The following LIPC variants were observed in gnomAD, a reference collection of about 807,000 sequenced individuals.
The protein encoded by LIPC is lipase C, hepatic type, also known as hepatic triacylglycerol lipase.
A neutral mutation model predicts 50.7 loss-of-function variants in LIPC; 44 were observed. The observed-to-expected ratio is 0.87, with a 90% CI of 0.68 to 1.11. The LOEUF is 1.11. Among genes scored for constraint, LIPC ranks in the 50% most tolerant of loss-of-function variants. The pLI is 0.00. For synonymous variants in LIPC, 271 were observed against 256.4 expected, an observed-to-expected ratio of 1.06 and a Z score of -0.54; for missense variants, 697 against 648.2, an observed-to-expected ratio of 1.08 and a Z score of -0.82.
chr15:58,563,169 G>A (rs11071390), intron 7 of LIPC, among the ~76,000 whole-genome samples: 144,039 of 152,246 alleles, frequency 0.95, 68,372 homozygotes, highest in Middle Eastern at 0.99. Context: ...CTGTCCAGAC[G>A]CCGTTGCCAA....
At chr15:58,509,940 A>C (rs1892280627) in intron 1 of LIPC, among the ~76,000 whole-genome samples, 1 of 145,288 alleles carries the variant, frequency 6.9e-6, no homozygotes, top group Admixed American at 7.1e-5. Context: ...TTTTTGTACC[A>C]TTGGATCTAT....
At chr15:58,557,601 G>A (rs763790038) in intron 6 of LIPC, among the ~76,000 whole-genome samples, 1 of 151,896 alleles carries the variant, frequency 6.6e-6, no homozygotes, top group Non-Finnish European at 1.5e-5. Flanking sequence ...TAGCCAGGAT[G>A]GTCTCGATCT....
chr15:58,497,693 C>G (rs1236970659), intron 1 of LIPC: 1 of 152,440 alleles, frequency 6.6e-6, no homozygotes, highest in Non-Finnish European at 1.5e-5. Context: ...AATGCTCTCC[C>G]CACTCTATTC....
At chr15:58,550,764 C>T (rs1413316480) in intron 6 of LIPC, among the ~76,000 whole-genome samples, 1 of 150,788 alleles carries the variant, frequency 6.6e-6, no homozygotes, top group Admixed American at 6.6e-5. Context: ...AAGCCCCAGG[C>T]TGGAGGGAGG....
At chr15:58,464,815 A>C (rs1049340786) in intron 1 of LIPC, among the ~76,000 whole-genome samples, 14 of 152,202 alleles carry the variant, frequency 9.2e-5, no homozygotes, top group Admixed American at 3.3e-4. Flanking sequence ...TGTACTAAAA[A>C]TACAAAAGTT....
At chr15:58,481,314 G>A (rs1303967995) in intron 1 of LIPC, among the ~76,000 whole-genome samples, 1 of 152,074 alleles carries the variant, frequency 6.6e-6, no homozygotes, top group African/African-American at 2.4e-5. Flanking sequence ...AACCATAAAT[G>A]TCCTTTGACA....
Position 58,543,675 on chromosome 15 carries a change from T to C in LIPC, c.574+1024T>C, listed in dbSNP as rs145610869. Among the ~76,000 whole-genome samples, 962 of 152,294 alleles carry C rather than the reference T, an allele frequency of 6.3e-3. 12 individuals carry two copies. The highest frequency in any genetic ancestry group is 0.022 in the African/African-American group (923 of 41,548). ...TTTTGAGACGGAGTTTCGCTCTTGTTGCCCAGGCTGGTGTGCAATGGCATG... is the reference window on the plus strand; with the variant it reads ...TTTTGAGACGGAGTTTCGCTCTTGTCGCCCAGGCTGGTGTGCAATGGCATG... On this transcript the variant is annotated intron_variant, in intron 4 of 8. Transcript: ENST00000299022.
intron 6 of LIPC, among the ~76,000 whole-genome samples, chr15:58,560,522 G>T (rs1894124189): frequency 6.6e-6 from 1 of 152,180 alleles, no homozygotes; most frequent in South Asian, 2.1e-4. Flanking sequence ...TACGAAAGGA[G>T]ACCCTCACCA....
At chr15:58,460,370 A>C (rs181752729) in intron 1 of LIPC, among the ~76,000 whole-genome samples, 1 of 152,330 alleles carries the variant, frequency 6.6e-6, no homozygotes, top group East Asian at 1.9e-4. Flanking sequence ...GTGGATGTGC[A>C]AAAGGAAAGG....
intron 1 of LIPC, among the ~76,000 whole-genome samples, chr15:58,452,162 C>G: frequency 6.6e-6 from 1 of 152,250 alleles, no homozygotes; most frequent in Admixed American, 6.5e-5. Context: ...CAAATTGTGG[C>G]CCCCAGGCCA....
At chr15:58,506,919 C>T (rs962890549) in intron 1 of LIPC, among the ~76,000 whole-genome samples, 1 of 152,260 alleles carries the variant, frequency 6.6e-6, no homozygotes, top group Non-Finnish European at 1.5e-5. Context: ...AACTTACAAT[C>T]ATTGCAGAGG....
chr15:58,434,026 C>T (rs1400706679), intron 1 of LIPC, among the ~76,000 whole-genome samples: 1 of 151,984 alleles, frequency 6.6e-6, no homozygotes, highest in African/African-American at 2.4e-5. Flanking sequence ...TCAACAGGGG[C>T]AATTTTGCCC....
At chr15:58,469,821 GCTAGGA>G (rs1894720506) in intron 1 of LIPC, among the ~76,000 whole-genome samples, 1 of 152,122 alleles carries the variant, frequency 6.6e-6, no homozygotes, top group South Asian at 2.1e-4. Context: ...TGGAACAATG[GCTAGGA>G]CCTCCCCGCG....
intron 6 of LIPC, among the ~76,000 whole-genome samples, chr15:58,560,067 T>A (rs1160882069): frequency 6.6e-6 from 1 of 152,234 alleles, no homozygotes; most frequent in Non-Finnish European, 1.5e-5. Context: ...AATGAGATGA[T>A]GCAATGCATT....
intron 1 of LIPC, among the ~76,000 whole-genome samples, chr15:58,470,597 C>T (rs1894756756): frequency 7.3e-6 from 1 of 136,304 alleles, no homozygotes; most frequent in Non-Finnish European, 1.6e-5. Flanking sequence ...CATTTAACTC[C>T]TTTTTTTTTT....
intron 1 of LIPC, among the ~76,000 whole-genome samples, chr15:58,495,471 G>A (rs888523353): frequency 2.6e-5 from 4 of 152,222 alleles, no homozygotes; most frequent in Non-Finnish European, 5.9e-5. Flanking sequence ...AAACCAGCAA[G>A]GCTTGGTGCT....
intron 6 of LIPC, among the ~76,000 whole-genome samples, chr15:58,549,350 T>C (rs1893664935): frequency 6.6e-6 from 1 of 152,250 alleles, no homozygotes; most frequent in Admixed American, 6.5e-5. Flanking sequence ...AGAAGAAATC[T>C]GATGTGCTGT....
At chr15:58,565,285 C>T in intron 8 of LIPC, 1 of 1,535,698 alleles carries the variant, frequency 6.5e-7, no homozygotes, top group Non-Finnish European at 8.7e-7. Context: ...TGCTTCTGAG[C>T]TCTGACCCTG....
intron 8 of LIPC, among the ~76,000 whole-genome samples, chr15:58,567,323 GTATATATATATATATGTATATGTATA>G (rs1894416631): frequency 3.2e-5 from 1 of 31,286 alleles, no homozygotes; most frequent in African/African-American, 1.4e-4. Flanking sequence ...ATGTATATGT[GTATATATATATATATGTATATGTATA>G]TATATATATG....
Sources: allele counts gnomAD v4.1 joint callset (sites outside exome capture counted in the v4.1 genomes callset), GRCh38; gene constraint gnomAD v4.1.1; transcripts MANE v1.5; gene names NCBI Gene and HGNC (gene_info 2026-07-23, HGNC 2026-07-21).